NKAIN3: variants seen among roughly 807,000 people sequenced by gnomAD.
NKAIN3 encodes the protein sodium/potassium transporting ATPase interacting 3, also known as sodium/potassium-transporting ATPase subunit beta-1-interacting protein 3.
A neutral mutation model predicts 30.2 loss-of-function variants in NKAIN3; 25 were observed. The ratio of observed to expected loss-of-function variants is 0.83; its 90% CI spans 0.60 to 1.16. NKAIN3 has a LOEUF of 1.16. Ranked by LOEUF, NKAIN3 falls within the 50% of genes most tolerant of loss-of-function variation. The pLI, the probability that NKAIN3 is intolerant of heterozygous loss-of-function variation, is 0.00. For synonymous variants in NKAIN3, 91 were observed against 89.6 expected, an observed-to-expected ratio of 1.02 and a Z score of -0.09; for missense variants, 225 against 254.1, an observed-to-expected ratio of 0.89 and a Z score of 0.78.
At chr8:62,609,813 G>T (rs1811235325) in intron 3 of NKAIN3, among the ~76,000 whole-genome samples, 1 of 152,078 alleles carries the variant, frequency 6.6e-6, no homozygotes, top group Non-Finnish European at 1.5e-5. Context: ...GAACTGAAAG[G>T]ATGCCGAGTC....
rs1451745040 is a variant in NKAIN3 at position 62,980,448 on chromosome 8, C to T, written c.*15041C>T. ...CCAAGCATAATCATTGCAATTATTT[C>T]TACTGTATTCAGATAATGATAATAC... is the stretch of plus-strand genomic sequence containing the variant. On this transcript the variant is annotated 3_prime_UTR_variant, in exon 7 of 7. Coordinates refer to ENST00000623646, the MANE Select transcript of NKAIN3 (RefSeq NM_001304533.3). 1.3e-5 allele frequency: 2 copies of T among 152,158 alleles called. No homozygotes were observed. The highest frequency in any genetic ancestry group is 2.9e-5 in the Non-Finnish European group (2 of 68,028). The allele number at this position is 152,158 out of a possible 1,614,324, so 9.4% of individuals were successfully genotyped here.
intron 1 of NKAIN3, among the ~76,000 whole-genome samples, chr8:62,381,780 G>A (rs2351661): frequency 0.095 from 14,478 of 152,148 alleles, 969 homozygotes; most frequent in African/African-American, 0.17. Context: ...ATCAATGACT[G>A]TATAACTCTC....
At chr8:62,729,023 C>CAAAAAAAAAAAAAAAAAA in intron 3 of NKAIN3, among the ~76,000 whole-genome samples, 1 of 23,616 alleles carries the variant, frequency 4.2e-5, no homozygotes. Context: ...AACAAACAAA[C>CAAAAAAAAAAAAAAAAAA]CAAAAAAAAA....
At chr8:62,707,052 T>TACACACACACACACAC (rs1219559233) in intron 3 of NKAIN3, among the ~76,000 whole-genome samples, 6 of 99,166 alleles carry the variant, frequency 6.1e-5, no homozygotes, top group African/African-American at 1.8e-4. Context: ...CCATCATACA[T>TACACACACACACACAC]ACATACACAC....
At chr8:62,990,378 T>A (rs1210509323) in intron 5 of NKAIN3, 5 of 1,236,488 alleles carry the variant, frequency 4.0e-6, no homozygotes, top group Middle Eastern at 2.4e-4. Flanking sequence ...GTCTAATATA[T>A]AAATTTTATG....
intron 4 of NKAIN3, among the ~76,000 whole-genome samples, chr8:62,811,300 G>A (rs773646223): frequency 6.6e-6 from 1 of 151,850 alleles, no homozygotes; most frequent in Non-Finnish European, 1.5e-5. Flanking sequence ...TTACAGTTTT[G>A]GGCCATTACA....
chr8:62,386,645 G>C (rs1447737863), intron 1 of NKAIN3, among the ~76,000 whole-genome samples: 1 of 152,158 alleles, frequency 6.6e-6, no homozygotes, highest in African/African-American at 2.4e-5. Flanking sequence ...TAGGGATAAA[G>C]TTAAAAGCAT....
chr8:62,585,362 T>A (rs906056286), intron 2 of NKAIN3, among the ~76,000 whole-genome samples: 1 of 152,190 alleles, frequency 6.6e-6, no homozygotes, highest in African/African-American at 2.4e-5. Context: ...TTACTATTTC[T>A]GTATTTATTT....
chr8:62,492,507 A>G (rs1807102043), intron 1 of NKAIN3, among the ~76,000 whole-genome samples: 1 of 152,070 alleles, frequency 6.6e-6, no homozygotes, highest in Non-Finnish European at 1.5e-5. Flanking sequence ...TTATGTCAGC[A>G]CTGACATACT....
At chr8:62,995,566 T>A (rs1052370256) in intron 5 of NKAIN3, among the ~76,000 whole-genome samples, 1 of 151,906 alleles carries the variant, frequency 6.6e-6, no homozygotes, top group Admixed American at 6.6e-5. Flanking sequence ...CTGATCTATA[T>A]CATAAATGTC....
At chr8:62,667,661 C>A (rs1375361196) in intron 3 of NKAIN3, among the ~76,000 whole-genome samples, 1 of 152,038 alleles carries the variant, frequency 6.6e-6, no homozygotes, top group Non-Finnish European at 1.5e-5. Context: ...GCTCGCCACC[C>A]CGCTGGTGCT....
chr8:62,302,320 G>T (rs1277201051), intron 1 of NKAIN3, among the ~76,000 whole-genome samples: 2 of 151,810 alleles, frequency 1.3e-5, no homozygotes, highest in Admixed American at 1.3e-4. Flanking sequence ...ACCTCAGCTG[G>T]GTTCTGCACT....
At chr8:62,773,988 C>A (rs1010102482) in intron 4 of NKAIN3, among the ~76,000 whole-genome samples, 9 of 152,116 alleles carry the variant, frequency 5.9e-5, no homozygotes, top group African/African-American at 2.2e-4. Flanking sequence ...AATCTGTAGA[C>A]TGTTTTTGGT....
chr8:62,434,009 T>C (rs760474780), intron 1 of NKAIN3, among the ~76,000 whole-genome samples: 1 of 152,136 alleles, frequency 6.6e-6, no homozygotes, highest in Non-Finnish European at 1.5e-5. Flanking sequence ...CACACAGATA[T>C]GAGCATGGCA....
chr8:62,311,235 A>G (rs1036616826), intron 1 of NKAIN3, among the ~76,000 whole-genome samples: 3 of 150,544 alleles, frequency 2.0e-5, no homozygotes, highest in Non-Finnish European at 4.4e-5. Context: ...AATTAAATGT[A>G]TATATATTTT....
intron 4 of NKAIN3, among the ~76,000 whole-genome samples, chr8:62,834,150 G>A (rs1041118542): frequency 1.3e-5 from 2 of 151,896 alleles, no homozygotes; most frequent in African/African-American, 4.8e-5. Context: ...AACACTCAAC[G>A]AATTAGGCTT....
At chr8:62,767,958 A>T (rs534474351) in intron 4 of NKAIN3, among the ~76,000 whole-genome samples, 2 of 152,232 alleles carry the variant, frequency 1.3e-5, no homozygotes, top group African/African-American at 4.8e-5. Flanking sequence ...ATTAAAATTA[A>T]TTTTACCTGT....
intron 3 of NKAIN3, among the ~76,000 whole-genome samples, chr8:62,697,734 C>A (rs10104349): frequency 0.55 from 82,939 of 151,956 alleles, 26,414 homozygotes; most frequent in Non-Finnish European, 0.73. Flanking sequence ...ATGTTTTGTA[C>A]AAATGAACTA....
chr8:62,913,671 A>G (rs180966339), intron 4 of NKAIN3, among the ~76,000 whole-genome samples: 1 of 152,336 alleles, frequency 6.6e-6, no homozygotes, highest in Admixed American at 6.5e-5. Context: ...GAATCCATGC[A>G]TTAAAGATAA....
Sources: allele counts gnomAD v4.1 joint callset (sites outside exome capture counted in the v4.1 genomes callset), GRCh38; gene constraint gnomAD v4.1.1; transcripts MANE v1.5; gene names NCBI Gene and HGNC (gene_info 2026-07-23, HGNC 2026-07-21).